Variants in PPP2R2D observed in about 807,000 individuals in gnomAD.
PPP2R2D encodes the protein protein phosphatase 2 regulatory subunit Bdelta.
In PPP2R2D, 9 loss-of-function variants were observed where a neutral mutation model predicts 31.1. That is an observed-to-expected ratio of 0.29 (90% CI 0.17 to 0.51). The LOEUF (loss-of-function observed/expected upper bound fraction) is 0.51, where lower values mean the gene tolerates loss of function less well. Ranked by LOEUF, PPP2R2D falls within the 20% of genes least tolerant of loss-of-function variation. PPP2R2D has a pLI of 0.98. For missense variants in PPP2R2D, 391 were observed against 465.6 expected (o/e 0.84, Z 1.48); for synonymous variants, 179 against 172.6 (o/e 1.04, Z -0.29).
chr10:131,937,757 A>C (rs990431158), intron 3 of PPP2R2D, among the ~76,000 whole-genome samples: 2 of 152,178 alleles, frequency 1.3e-5, no homozygotes, highest in Non-Finnish European at 2.9e-5. Context: ...GCATAGGACT[A>C]ATTTAGTTAT....
chr10:131,910,182 C>G (rs1012521358), intron 2 of PPP2R2D, among the ~76,000 whole-genome samples: 6 of 152,208 alleles, frequency 3.9e-5, no homozygotes, highest in Non-Finnish European at 4.4e-5. Flanking sequence ...TCTGTACTCT[C>G]TTCCGTCAGA....
chr10:131,970,407 GCAGACTCGTCAGGC>G, the PPP2R2D span: 533 of 597,950 alleles, frequency 8.9e-4, 6 homozygotes, highest in African/African-American at 9.1e-3. This position sits in a 1 kb window ranked among gnomAD's most constrained non-coding sequence, Gnocchi z 4.1. Context: ...TGAGCAACAG[GCAGACTCGTCAGGC>G]CAGACAGCAG....
chr10:131,970,872 A>C, the PPP2R2D span: 2 of 1,614,158 alleles, frequency 1.2e-6, no homozygotes, highest in South Asian at 1.1e-5. This position sits in a 1 kb window ranked among gnomAD's most constrained non-coding sequence, Gnocchi z 4.1. Flanking sequence ...ACTTGGGGGG[A>C]ATATTTTCCG....
At position 131,901,047 on chromosome 10, in the gene PPP2R2D, C is replaced by CGGCGGCGGCGGCGGCGGCGGCGG. The variant is rs2035482348; in HGVS notation, c.-102_-101insGGCGGCGGCGGCGGCGGCGGCGG. The stretch of plus-strand genomic sequence containing the variant: ...GGCGGCGGCGGCGGCGGCGGCGGCG[C>CGGCGGCGGCGGCGGCGGCGGCGG]CGGCGGTGGTGGCGGCCCCGGGGCT... On this transcript the variant is annotated 5_prime_UTR_variant, in exon 1 of 9. Coordinates refer to ENST00000455566, the MANE Select transcript of PPP2R2D (RefSeq NM_018461.5). The CGGCGGCGGCGGCGGCGGCGGCGG allele has an allele frequency of 1.4e-5, 2 of 147,626 alleles. No individual in the cohort carries two copies. Among genetic ancestry groups the CGGCGGCGGCGGCGGCGGCGGCGG allele is most frequent in the Non-Finnish European group, 2.8e-5 (2 of 72,638 alleles). 9.1% of individuals were successfully genotyped at this position (147,626 alleles called of 1,614,324 possible).
intron 5 of PPP2R2D, among the ~76,000 whole-genome samples, chr10:131,942,232 C>T (rs910438897): frequency 9.2e-5 from 14 of 152,340 alleles, no homozygotes; most frequent in African/African-American, 2.6e-4. Context: ...CATCAGCTCA[C>T]GTGCTCATTT....
At chr10:131,950,433 G>A (rs776771002) in intron 8 of PPP2R2D, among the ~76,000 whole-genome samples, 9 of 151,974 alleles carry the variant, frequency 5.9e-5, no homozygotes, top group South Asian at 2.1e-4. Flanking sequence ...CTCTGAGAGC[G>A]GACACCGAGA....
In PPP2R2D at chr10:131,947,520, T is replaced by C; in HGVS notation, c.821-10T>C. 5.0e-6 allele frequency: 8 copies of C among 1,607,536 alleles called. No individual in the cohort carries two copies. The highest frequency in any genetic ancestry group is 6.8e-6 in the Non-Finnish European group (8 of 1,176,292). On this transcript the variant is annotated splice_polypyrimidine_tract_variant and intron_variant, in intron 7 of 8. Coordinates refer to ENST00000455566, the MANE Select transcript of PPP2R2D (RefSeq NM_018461.5). The surrounding 1 kb of genome is among the most constrained non-coding windows in gnomAD (Gnocchi z 4.3). ...AACAGAAGCTGAAAACATTTTATTTTGTTTTTCAGTTTTTGAAGAGCCTGA... is the reference window on the plus strand; with the variant it reads ...AACAGAAGCTGAAAACATTTTATTTCGTTTTTCAGTTTTTGAAGAGCCTGA...
intron 5 of PPP2R2D, 32 bp downstream of exon 5, chr10:131,940,726 T>C: frequency 1.3e-6 from 1 of 749,634 alleles, no homozygotes; most frequent in South Asian, 1.5e-5. Flanking sequence ...TCCAATGCTG[T>C]TGAGAAGTTA....
intron 3 of PPP2R2D, among the ~76,000 whole-genome samples, chr10:131,937,593 C>T (rs782366104): frequency 2.0e-5 from 3 of 152,132 alleles, no homozygotes; most frequent in Non-Finnish European, 2.9e-5. Flanking sequence ...AGTTGGAACC[C>T]GTTCATGGCA....
chr10:131,961,152 C>T (rs1181626363), downstream of PPP2R2D, among the ~76,000 whole-genome samples: 1 of 152,156 alleles, frequency 6.6e-6, no homozygotes, highest in East Asian at 1.9e-4. Context: ...ACGCTGCCCG[C>T]GGCCGACGCT....
downstream of PPP2R2D, among the ~76,000 whole-genome samples, chr10:131,963,369 G>GA (rs1219810801): frequency 4.0e-4 from 1 of 2,492 alleles, no homozygotes; most frequent in Non-Finnish European, 6.9e-4. Context: ...GTCCCCAGAG[G>GA]AGGTGACAAA....
the PPP2R2D span, among the ~76,000 whole-genome samples, chr10:131,965,726 G>A: frequency 7.5e-4 from 115 of 152,326 alleles, no homozygotes; most frequent in Non-Finnish European, 1.3e-3. Flanking sequence ...GATTACAGAC[G>A]TGAGCCACAG....
chr10:131,955,992 C>G lies in PPP2R2D; in HGVS notation c.*29C>G, dbSNP rs2036789485. On this transcript the variant is annotated 3_prime_UTR_variant, in exon 9 of 9. Transcript: ENST00000455566. ...CGCGAACGTGAGGACCAAGTCTTGT[C>G]TTGCATAGTTAAGCCGGACATTTTT... 7.0e-7 allele frequency: 1 copy of G among 1,431,280 alleles called. No individual in the cohort carries two copies. The highest frequency in any genetic ancestry group is 2.6e-5 in the East Asian group (1 of 38,210). 88.7% of individuals were successfully genotyped at this position (1,431,280 alleles called of 1,614,324 possible).
At chr10:131,930,849 G>A (rs1472292797) in intron 2 of PPP2R2D, among the ~76,000 whole-genome samples, 1 of 152,178 alleles carries the variant, frequency 6.6e-6, no homozygotes, top group Non-Finnish European at 1.5e-5. Context: ...GTGGGCCACC[G>A]AAACTGATCC....
At chr10:131,902,733 C>T (rs2035520620) in intron 2 of PPP2R2D, among the ~76,000 whole-genome samples, 2 of 152,208 alleles carry the variant, frequency 1.3e-5, no homozygotes, top group African/African-American at 4.8e-5. Flanking sequence ...TAATGCTTGC[C>T]TTAATTTCTG....
rs1205602040 is a variant in PPP2R2D, at chr10:131,947,344, A to T, written c.821-186A>T. ...AGCTGGTGCTAGAATGTCTTATCCGAAGCTCTTGCCCACGGAAGTCACAGA... is the reference window on the plus strand; with the variant it reads ...AGCTGGTGCTAGAATGTCTTATCCGTAGCTCTTGCCCACGGAAGTCACAGA... On this transcript the variant is annotated intron_variant, in intron 7 of 8. Transcript: ENST00000455566. This position sits in a 1 kb window ranked among gnomAD's most constrained non-coding sequence, Gnocchi z 4.3. 6.6e-6 allele frequency among the ~76,000 whole-genome samples: 1 copy of T among 152,118 alleles called. No individual in the cohort carries two copies. The highest frequency in any genetic ancestry group is 1.5e-5 in the Non-Finnish European group (1 of 68,020).
chr10:131,962,532 T>C (rs1370968045), downstream of PPP2R2D, among the ~76,000 whole-genome samples: 1 of 152,256 alleles, frequency 6.6e-6, no homozygotes, highest in Non-Finnish European at 1.5e-5. Flanking sequence ...TCTGTAGCTC[T>C]CCATTTTCTT....
chr10:131,951,704 C>T (rs371478791), intron 8 of PPP2R2D, among the ~76,000 whole-genome samples: 34 of 152,186 alleles, frequency 2.2e-4, no homozygotes, highest in South Asian at 1.5e-3. Flanking sequence ...GCCTTTAATC[C>T]CACCACTCAG....
chr10:131,923,691 C>G (rs1554894557), intron 2 of PPP2R2D, among the ~76,000 whole-genome samples: 1 of 152,130 alleles, frequency 6.6e-6, no homozygotes, highest in Non-Finnish European at 1.5e-5. Flanking sequence ...TGGTGTTGAG[C>G]ATTTCCTGTG....
Sources: allele counts gnomAD v4.1 joint callset (sites outside exome capture counted in the v4.1 genomes callset), GRCh38; gene constraint gnomAD v4.1.1; non-coding constraint Gnocchi (gnomAD v3.1); transcripts MANE v1.5; gene names NCBI Gene and HGNC (gene_info 2026-07-23, HGNC 2026-07-21).